Variants in DCDC2 observed in about 807,000 individuals in gnomAD.
DCDC2 encodes doublecortin domain containing 2, also known as doublecortin domain-containing protein 2.
In DCDC2, 40 loss-of-function variants were observed where a neutral mutation model predicts 50.2. The observed-to-expected ratio is 0.80, with a 90% CI of 0.62 to 1.04. The LOEUF (loss-of-function observed/expected upper bound fraction) is 1.04, where lower values mean the gene tolerates loss of function less well. DCDC2 is among the 50% of genes least tolerant of loss of function. The pLI, the probability that DCDC2 is intolerant of heterozygous loss-of-function variation, is 0.00. For missense variants in DCDC2, 570 were observed against 581.9 expected (o/e 0.98, Z 0.21); for synonymous variants, 234 against 210.6 (o/e 1.11, Z -0.96).
intron 7 of DCDC2, among the ~76,000 whole-genome samples, chr6:24,218,087 CT>C (rs1448991253): frequency 3.6e-4 from 55 of 152,332 alleles, no homozygotes; most frequent in African/African-American, 1.3e-3. Flanking sequence ...ACAAATATGC[CT>C]ATATCAGCAA....
Position 24,185,130 on chromosome 6 carries a change from C to G in DCDC2, c.1024-6498G>C, listed in dbSNP as rs1054814275. Among the ~76,000 whole-genome samples, 30 of 152,114 alleles carry G rather than the reference C, an allele frequency of 2.0e-4. 3 individuals carry two copies. Among genetic ancestry groups the G allele is most frequent in the Admixed American group, 1.8e-3 (28 of 15,274 alleles). On this transcript the variant is annotated intron_variant, in intron 8 of 9. Transcript: ENST00000378454. The stretch of plus-strand genomic sequence containing the variant: ...TTCTCAGCCTTACCTCTTTCTTTAT[C>G]CAGAATTCCCAAACACTTATACATT...
intron 7 of DCDC2, among the ~76,000 whole-genome samples, chr6:24,233,379 C>G (rs187389195): frequency 6.6e-6 from 1 of 152,234 alleles, no homozygotes; most frequent in East Asian, 1.9e-4. Flanking sequence ...TCAAAATGCC[C>G]AACACTTATC....
At chr6:24,318,780 C>CATGTGTGTGTGTGTGT (rs1759717938) in intron 2 of DCDC2, among the ~76,000 whole-genome samples, 1 of 149,558 alleles carries the variant, frequency 6.7e-6, no homozygotes, top group Non-Finnish European at 1.5e-5. Flanking sequence ...TATATACGTA[C>CATGTGTGTGTGTGTGT]GTGTGTGTGT....
chr6:24,310,540 G>A (rs1167306565), intron 2 of DCDC2, among the ~76,000 whole-genome samples: 2 of 151,892 alleles, frequency 1.3e-5, no homozygotes, highest in African/African-American at 2.4e-5. Flanking sequence ...CTGCCTTCCC[G>A]GCTTTTAACC....
intron 2 of DCDC2, among the ~76,000 whole-genome samples, chr6:24,310,625 A>G (rs1759554528): frequency 2.0e-5 from 3 of 152,150 alleles, no homozygotes; most frequent in Non-Finnish European, 4.4e-5. Context: ...TGACAACCAA[A>G]TCCCTATCTC....
upstream of DCDC2, among the ~76,000 whole-genome samples, chr6:24,360,581 G>C (rs1404169626): frequency 6.6e-6 from 1 of 152,190 alleles, no homozygotes; most frequent in Non-Finnish European, 1.5e-5. Context: ...CCCCAGTAAA[G>C]AGTCGCTTTG....
At chr6:24,225,041 C>T (rs1417046849) in intron 7 of DCDC2, among the ~76,000 whole-genome samples, 1 of 152,020 alleles carries the variant, frequency 6.6e-6, no homozygotes, top group African/African-American at 2.4e-5. Context: ...CTCTCAGAGC[C>T]ATGTAAGAGC....
At chr6:24,237,527 TA>T (rs1762471935) in intron 7 of DCDC2, among the ~76,000 whole-genome samples, 1 of 152,204 alleles carries the variant, frequency 6.6e-6, no homozygotes, top group Non-Finnish European at 1.5e-5. Flanking sequence ...CTCAAAGGAC[TA>T]AAAATAGAAC....
intron 7 of DCDC2, among the ~76,000 whole-genome samples, chr6:24,244,078 A>G (rs775862693): frequency 6.6e-6 from 1 of 152,192 alleles, no homozygotes; most frequent in Non-Finnish European, 1.5e-5. Context: ...CTACCACCCA[A>G]AAGATCTCTA....
At chr6:24,325,752 A>G (rs1028167642) in intron 2 of DCDC2, among the ~76,000 whole-genome samples, 3 of 149,440 alleles carry the variant, frequency 2.0e-5, no homozygotes, top group Admixed American at 1.3e-4. Context: ...CTCAGCCTAT[A>G]GAGCAGAGTT....
chr6:24,301,370 CAAAAAAAAAA>C (rs59055669), intron 4 of DCDC2, among the ~76,000 whole-genome samples: 18 of 64,102 alleles, frequency 2.8e-4, no homozygotes, highest in East Asian at 9.8e-4. Context: ...GGCTCCATCT[CAAAAAAAAAA>C]AAAAAAAAAA....
At chr6:24,242,229 A>C (rs1338154601) in intron 7 of DCDC2, among the ~76,000 whole-genome samples, 1 of 152,164 alleles carries the variant, frequency 6.6e-6, no homozygotes, top group Non-Finnish European at 1.5e-5. Context: ...ACTATTATTT[A>C]GTGGCACCTG....
In DCDC2 at chr6:24,279,695, A is replaced by T. The variant is rs142478594; in HGVS notation, c.760-1484T>A. ...GAGTATGTGGTGAGAGGCTGCAGGT[A>T]GTGGAAAGAATGCAAGTTTTAGAAA... On this transcript the variant is annotated intron_variant, in intron 6 of 9. Coordinates refer to ENST00000378454, the MANE Select transcript of DCDC2 (RefSeq NM_016356.5). Among the ~76,000 whole-genome samples, 518 of 152,328 alleles carry T rather than the reference A, an allele frequency of 3.4e-3. 2 individuals carry two copies. The highest frequency in any genetic ancestry group is 0.012 in the African/African-American group (488 of 41,580).
At chr6:24,244,787 A>T (rs1762635982) in intron 7 of DCDC2, among the ~76,000 whole-genome samples, 1 of 152,166 alleles carries the variant, frequency 6.6e-6, no homozygotes, top group African/African-American at 2.4e-5. Flanking sequence ...ACTCTGACAA[A>T]ATTTCTCAAT....
At chr6:24,236,407 A>C (rs185103141) in intron 7 of DCDC2, among the ~76,000 whole-genome samples, 1 of 152,314 alleles carries the variant, frequency 6.6e-6, no homozygotes, top group East Asian at 1.9e-4. Context: ...AAAATGATTA[A>C]AGATTTAAAT....
chr6:24,316,621 C>T (rs1458913733), intron 2 of DCDC2, among the ~76,000 whole-genome samples: 1 of 152,092 alleles, frequency 6.6e-6, no homozygotes, highest in African/African-American at 2.4e-5. Context: ...TTACTGATAA[C>T]ATTTTAAATT....
At chr6:24,213,713 T>A (rs973682744) in intron 7 of DCDC2, among the ~76,000 whole-genome samples, 1 of 152,146 alleles carries the variant, frequency 6.6e-6, no homozygotes, top group Non-Finnish European at 1.5e-5. Flanking sequence ...CCCAGTAGGA[T>A]AGGGTCTTTA....
intron 8 of DCDC2, among the ~76,000 whole-genome samples, chr6:24,199,151 G>C (rs565495389): frequency 8.5e-5 from 13 of 152,206 alleles, no homozygotes; most frequent in Admixed American, 2.0e-4. Context: ...AACAGCGCTC[G>C]AGCTCTGCTA....
chr6:24,222,626 A>G (rs1445538934), intron 7 of DCDC2, among the ~76,000 whole-genome samples: 3 of 152,242 alleles, frequency 2.0e-5, no homozygotes, highest in Non-Finnish European at 2.9e-5. Flanking sequence ...CTCAAAAGTT[A>G]AAAGCAAGGG....
Sources: allele counts gnomAD v4.1 joint callset (sites outside exome capture counted in the v4.1 genomes callset), GRCh38; gene constraint gnomAD v4.1.1; transcripts MANE v1.5; gene names NCBI Gene and HGNC (gene_info 2026-07-23, HGNC 2026-07-21).